Variants in PRIM2 observed in about 807,000 individuals in gnomAD.
PRIM2 encodes the protein DNA primase large subunit.
In PRIM2, 39 loss-of-function variants were observed where a neutral mutation model predicts 67.3. That is an observed-to-expected ratio of 0.58 (90% CI 0.45 to 0.76). The LOEUF is 0.76. PRIM2 is among the 30% of genes least tolerant of loss of function. The probability of loss-of-function intolerance (pLI) is 0.00; values close to 1 mark genes in which losing one functional copy is unlikely to be tolerated. For synonymous variants in PRIM2, 143 were observed against 198.7 expected (o/e 0.72, Z 2.36); for missense variants, 398 against 598.7 (o/e 0.66, Z 3.50).
chr6:57,627,309 G>A (rs1480318897), intron 12 of PRIM2, among the ~76,000 whole-genome samples: 176 of 90,328 alleles, frequency 1.9e-3, no homozygotes, highest in East Asian at 3.9e-3. Context: ...AAAAAAAAAA[G>A]TTTAAAAATA....
the PRIM2 span, among the ~76,000 whole-genome samples, chr6:57,238,521 C>T: frequency 6.2e-3 from 941 of 152,222 alleles, 6 homozygotes; most frequent in African/African-American, 0.021. Context: ...CCAAAGAGAA[C>T]AAAGACACAA....
At chr6:57,297,796 C>T in the PRIM2 span, among the ~76,000 whole-genome samples, 3 of 152,176 alleles carry the variant, frequency 2.0e-5, no homozygotes, top group Non-Finnish European at 4.4e-5. Flanking sequence ...TGAATTTAAT[C>T]ATGAGGAAAC....
chr6:57,546,258 A>G (rs1371040136), intron 10 of PRIM2, among the ~76,000 whole-genome samples: 2 of 152,234 alleles, frequency 1.3e-5, no homozygotes, highest in South Asian at 2.1e-4. Flanking sequence ...TTTTGCTTTA[A>G]AGCAAATTTA....
chr6:57,281,965 G>T, the PRIM2 span, among the ~76,000 whole-genome samples: 1 of 152,238 alleles, frequency 6.6e-6, no homozygotes, highest in East Asian at 1.9e-4. Context: ...CTAAAGTCCT[G>T]GGTTGAATCA....
intron 5 of PRIM2, among the ~76,000 whole-genome samples, chr6:57,368,084 GATA>G (rs1423023023): frequency 1.3e-5 from 2 of 152,208 alleles, no homozygotes; most frequent in Non-Finnish European, 2.9e-5. Flanking sequence ...TATTTGAAAT[GATA>G]ATAACAGTAT....
chr6:57,535,188 T>C (rs1284231688), intron 9 of PRIM2, among the ~76,000 whole-genome samples: 1 of 152,098 alleles, frequency 6.6e-6, no homozygotes, highest in Non-Finnish European at 1.5e-5. Flanking sequence ...GAATGATGAC[T>C]TGGCTTTGGC....
At chr6:57,290,313 A>T in the PRIM2 span, among the ~76,000 whole-genome samples, 1 of 152,178 alleles carries the variant, frequency 6.6e-6, no homozygotes, top group Non-Finnish European at 1.5e-5. Flanking sequence ...AACTATCCTA[A>T]ATATATATGC....
chr6:57,551,192 A>C (rs1252211670), intron 10 of PRIM2, among the ~76,000 whole-genome samples: 2 of 152,192 alleles, frequency 1.3e-5, no homozygotes, highest in African/African-American at 4.8e-5. Flanking sequence ...AGAATATATA[A>C]GTTTAAACTG....
At chr6:57,292,347 G>A in the PRIM2 span, among the ~76,000 whole-genome samples, 19 of 152,128 alleles carry the variant, frequency 1.2e-4, no homozygotes, top group Non-Finnish European at 2.2e-4. Context: ...AAATAAAAGA[G>A]GACACAAACA....
At chr6:57,537,672 G>A (rs1775028447) in intron 10 of PRIM2, 47 bp downstream of exon 10, 22 of 1,221,350 alleles carry the variant, frequency 1.8e-5, no homozygotes, top group Non-Finnish European at 4.3e-6. Context: ...ATTTTAATTT[G>A]GTCTGAAAAT....
intron 7 of PRIM2, among the ~76,000 whole-genome samples, chr6:57,460,552 G>A (rs1366543737): frequency 6.7e-6 from 1 of 149,620 alleles, no homozygotes; most frequent in African/African-American, 2.5e-5. Context: ...TTTAAAGAAT[G>A]TCTTTTAAGA....
chr6:57,320,222 A>G (rs933469446), intron 2 of PRIM2, among the ~76,000 whole-genome samples: 5 of 151,922 alleles, frequency 3.3e-5, no homozygotes, highest in South Asian at 2.1e-4. Flanking sequence ...CTCTTCCCTG[A>G]TTGAGAATCC....
intron 7 of PRIM2, among the ~76,000 whole-genome samples, chr6:57,499,700 C>T (rs1774090361): frequency 6.6e-6 from 1 of 152,154 alleles, no homozygotes. Context: ...GTATGTTTTA[C>T]TCTTGTTAAT....
At chr6:57,306,987 T>C in the PRIM2 span, among the ~76,000 whole-genome samples, 1 of 151,888 alleles carries the variant, frequency 6.6e-6, no homozygotes, top group Admixed American at 6.6e-5. Context: ...GATCACGAGG[T>C]CAGGAGTTCG....
chr6:57,532,294 G>T, intron 8 of PRIM2, 117 bp from the exon 9 acceptor site: 1 of 449,922 alleles, frequency 2.2e-6, no homozygotes, highest in African/African-American at 2.0e-5. Context: ...TTCTGCTAAG[G>T]TTTACATGTA....
intron 7 of PRIM2, among the ~76,000 whole-genome samples, chr6:57,448,632 A>G (rs911406124): frequency 6.6e-6 from 1 of 152,108 alleles, no homozygotes; most frequent in African/African-American, 2.4e-5. Context: ...ATCTTGAAGC[A>G]GGGACTTACA....
At chr6:57,618,497 G>A (rs1162481680) in intron 12 of PRIM2, among the ~76,000 whole-genome samples, 1 of 152,192 alleles carries the variant, frequency 6.6e-6, no homozygotes, top group Admixed American at 6.5e-5. Flanking sequence ...CAGGACCCGG[G>A]AGACACCCCA....
the PRIM2 span, among the ~76,000 whole-genome samples, chr6:57,263,137 G>C: frequency 1.3e-4 from 20 of 152,178 alleles, no homozygotes; most frequent in Non-Finnish European, 1.5e-4. Context: ...CTACCATTTA[G>C]ATAGTATAAG....
intron 8 of PRIM2, among the ~76,000 whole-genome samples, chr6:57,519,603 T>G (rs1229555046): frequency 3.0e-4 from 46 of 152,314 alleles, no homozygotes; most frequent in Middle Eastern, 3.4e-3. Context: ...ATCTTGTTCT[T>G]TTTTCAAGGT....
Sources: allele counts gnomAD v4.1 joint callset (sites outside exome capture counted in the v4.1 genomes callset), GRCh38; gene constraint gnomAD v4.1.1; transcripts MANE v1.5; gene names NCBI Gene and HGNC (gene_info 2026-07-23, HGNC 2026-07-21).